WNT3: variants seen among roughly 807,000 people sequenced by gnomAD.
WNT3 encodes Wnt family member 3, also known as proto-oncogene Wnt-3.
In WNT3, 7 loss-of-function variants were observed where a neutral mutation model predicts 34.2. That is an observed-to-expected ratio of 0.20 (90% CI 0.12 to 0.38). The LOEUF is 0.38. Among genes scored for constraint, WNT3 ranks in the 10% least tolerant of loss-of-function variants. WNT3 has a pLI of 1.00. For synonymous variants in WNT3, 212 were observed against 211.5 expected (o/e 1.00, Z -0.02); for missense variants, 267 against 499.8 (o/e 0.53, Z 4.44).
intron 1 of WNT3, among the ~76,000 whole-genome samples, chr17:46,783,401 G>A (rs188366055): frequency 2.6e-5 from 4 of 152,326 alleles, no homozygotes; most frequent in Admixed American, 6.5e-5. Context: ...CACTCAACAC[G>A]CACGAATTGA....
At chr17:46,801,699 C>T (rs921731193) in intron 1 of WNT3, among the ~76,000 whole-genome samples, 2 of 151,960 alleles carry the variant, frequency 1.3e-5, no homozygotes, top group Non-Finnish European at 2.9e-5. Context: ...AAAGAAGATC[C>T]GTTGAGGCTG....
chr17:46,768,646 T>G lies in WNT3; in HGVS notation c.742A>C (p.Lys248Gln). 1 of 1,614,100 alleles carries G rather than the reference T, an allele frequency of 6.2e-7. No homozygotes were observed. The highest frequency in any genetic ancestry group is 2.2e-5 in the East Asian group (1 of 44,862). The change falls in exon 4 of 5, where the codon AAG becomes CAG. Residue 248 changes from lysine to glutamine, a missense_variant. Lys to Gln is a moderately conservative substitution (Grantham distance 53). Transcript: ENST00000225512. This position sits in a 1 kb window ranked among gnomAD's most constrained non-coding sequence, Gnocchi z 5.0. ...YDSASEMVVE[K>Q]HRESRGWVET... Reference sequence around the variant, plus strand: ...ACCCAGCCTCGGGACTCACGGTGCTTCTCTACTACCATCTCCGAGGCGCTG... The same window carrying G: ...ACCCAGCCTCGGGACTCACGGTGCTGCTCTACTACCATCTCCGAGGCGCTG...
chr17:46,785,352 G>A (rs779843023), intron 1 of WNT3, among the ~76,000 whole-genome samples: 30 of 152,208 alleles, frequency 2.0e-4, no homozygotes, highest in Non-Finnish European at 3.4e-4. Flanking sequence ...GAGTGCAGCA[G>A]GAACAGAAAG....
intron 1 of WNT3, among the ~76,000 whole-genome samples, chr17:46,777,943 A>G (rs1049617800): frequency 6.6e-6 from 1 of 152,142 alleles, no homozygotes; most frequent in African/African-American, 2.4e-5. Context: ...CCTGGGAGCC[A>G]TGGTGCCAGG....
intron 1 of WNT3, among the ~76,000 whole-genome samples, chr17:46,796,849 T>A (rs1158357393): frequency 6.6e-6 from 1 of 152,168 alleles, no homozygotes; most frequent in Non-Finnish European, 1.5e-5. Context: ...TTCCTTCCAC[T>A]CAAGCCCTCC....
At chr17:46,799,336 G>C (rs1466061180) in intron 1 of WNT3, among the ~76,000 whole-genome samples, 2 of 152,058 alleles carry the variant, frequency 1.3e-5, no homozygotes, top group African/African-American at 2.4e-5. Context: ...AGATCTTTCT[G>C]CTCTAAAGAA....
At chr17:46,786,941 C>CTT (rs566280448) in intron 1 of WNT3, among the ~76,000 whole-genome samples, 14 of 142,646 alleles carry the variant, frequency 9.8e-5, no homozygotes, top group African/African-American at 3.4e-4. Flanking sequence ...TTTCTTTTTT[C>CTT]TTTTTTTTTT....
At chr17:46,770,782 T>C (rs912103837) in intron 2 of WNT3, among the ~76,000 whole-genome samples, 6 of 152,194 alleles carry the variant, frequency 3.9e-5, no homozygotes, top group Admixed American at 2.6e-4. Flanking sequence ...GGAGAGACTC[T>C]CAAGGGTGTG....
chr17:46,810,199 G>C (rs2084255534), intron 1 of WNT3, among the ~76,000 whole-genome samples: 1 of 151,802 alleles, frequency 6.6e-6, no homozygotes, highest in Non-Finnish European at 1.5e-5. Context: ...GTAGAGACAG[G>C]GTTTCACCAT....
chr17:46,771,892 C>T lies in WNT3; in HGVS notation c.322+1776G>A, dbSNP rs182446366. On this transcript the variant is annotated intron_variant, in intron 2 of 4. Transcript: ENST00000225512. ...GCCCCTCCGGCGCCCGCCCCCGCCCCTGCCCCCGCCCCCGCCTGGGGAAGC... is the reference window on the plus strand; with the variant it reads ...GCCCCTCCGGCGCCCGCCCCCGCCCTTGCCCCCGCCCCCGCCTGGGGAAGC... 0.058 allele frequency among the ~76,000 whole-genome samples: 8,384 copies of T among 144,148 alleles called. 1,270 individuals are homozygous for T. In the East Asian group the frequency reaches 0.59, roughly 10 times the overall value. The allele number at this position is 144,148 out of a possible 152,430, so 94.6% of individuals were successfully genotyped here.
chr17:46,778,533 C>A (rs909202315), intron 1 of WNT3, among the ~76,000 whole-genome samples: 1 of 152,020 alleles, frequency 6.6e-6, no homozygotes, highest in African/African-American at 2.4e-5. Context: ...GCCACCCCCA[C>A]CCTGAGCCTC....
At chr17:46,800,928 G>A (rs1364863694) in intron 1 of WNT3, among the ~76,000 whole-genome samples, 2 of 152,216 alleles carry the variant, frequency 1.3e-5, no homozygotes, top group Non-Finnish European at 1.5e-5. Flanking sequence ...GTCATCCCAA[G>A]AGAAGGCAGG....
intron 1 of WNT3, among the ~76,000 whole-genome samples, chr17:46,799,928 A>G (rs943521675): frequency 3.3e-5 from 5 of 152,196 alleles, no homozygotes; most frequent in Middle Eastern, 3.4e-3. Flanking sequence ...CACAGAGCCT[A>G]CCCTCTTTCT....
At chr17:46,804,786 T>C (rs2084171435) in intron 1 of WNT3, among the ~76,000 whole-genome samples, 1 of 152,168 alleles carries the variant, frequency 6.6e-6, no homozygotes, top group Non-Finnish European at 1.5e-5. Flanking sequence ...CAGTGCTCTG[T>C]AAGAATGCAC....
intron 2 of WNT3, 29 bp downstream of exon 2, chr17:46,773,639 C>A: frequency 1.1e-6 from 1 of 883,832 alleles, no homozygotes; most frequent in Non-Finnish European, 1.6e-6. Context: ...CACCCAGCCC[C>A]TCCCCCCCCC....
intron 1 of WNT3, among the ~76,000 whole-genome samples, chr17:46,807,021 CA>C (rs1469511486): frequency 1.3e-5 from 2 of 152,058 alleles, no homozygotes; most frequent in African/African-American, 2.4e-5. Context: ...TGAAGGGAGC[CA>C]GGGGTAGGGG....
chr17:46,789,255 C>T (rs1331922533), intron 1 of WNT3, among the ~76,000 whole-genome samples: 1 of 152,218 alleles, frequency 6.6e-6, no homozygotes, highest in Non-Finnish European at 1.5e-5. Flanking sequence ...GGGCTGGCAC[C>T]TACCTGGACT....
chr17:46,790,331 G>T (rs976655593), intron 1 of WNT3, among the ~76,000 whole-genome samples: 1 of 152,134 alleles, frequency 6.6e-6, no homozygotes, highest in Admixed American at 6.5e-5. Context: ...TGGGCCATTG[G>T]TTCTCATCCC....
At chr17:46,789,595 C>CTTATTA (rs72159726) in intron 1 of WNT3, among the ~76,000 whole-genome samples, 16 of 151,460 alleles carry the variant, frequency 1.1e-4, no homozygotes, top group Middle Eastern at 6.8e-3. Context: ...GAGGTAACCT[C>CTTATTA]TCAGGGAACA....
Sources: gnomAD v4.1 joint callset for allele counts (sites outside exome capture counted in the v4.1 genomes callset) on GRCh38, gnomAD v4.1.1 for gene constraint, Gnocchi (gnomAD v3.1) non-coding constraint, MANE v1.5 for transcripts, NCBI Gene and HGNC (gene_info 2026-07-23, HGNC 2026-07-21) for gene names.